The following CLCN3 variants were observed in gnomAD, a reference collection of about 807,000 sequenced individuals.
CLCN3 encodes the protein Cl-/H+ antiporter 3, also known as H(+)/Cl(-) exchange transporter 3.
In CLCN3, 16 loss-of-function variants were observed where a neutral mutation model predicts 83.4. The ratio of observed to expected loss-of-function variants is 0.19; its 90% CI spans 0.13 to 0.29. The LOEUF (loss-of-function observed/expected upper bound fraction) is 0.29, where lower values mean the gene tolerates loss of function less well. CLCN3 is among the 10% of genes least tolerant of loss of function. The pLI is 1.00. For synonymous variants in CLCN3, 322 were observed against 346.2 expected (o/e 0.93, Z 0.78); for missense variants, 544 against 1,006.0 (o/e 0.54, Z 6.21).
At position 169,697,385 on chromosome 4, in the gene CLCN3, C is replaced by T; in HGVS notation, c.1214C>T (p.Ala405Val). Residue 405 changes from alanine (A) to valine (V), a missense_variant, in exon 9 of 13, where the codon GCC becomes GTC. This residue lies in a region of CLCN3 where 194 missense variants were observed against 341.4 expected (regional missense o/e 0.57). Transcript: ENST00000513761. Reference sequence around the variant, plus strand: ...GGGGTATTTGGAGGGCTTTGGGGAGCCTTTTTCATTAGGGCAAATATTGCC... The same window carrying T: ...GGGGTATTTGGAGGGCTTTGGGGAGTCTTTTTCATTAGGGCAAATATTGCC... ...LLGVFGGLWG[A>V]FFIRANIAWC... is the part of the protein sequence containing the mutation. 6.2e-7 allele frequency: 1 copy of T among 1,613,946 alleles called. No individual in the cohort carries two copies. Among genetic ancestry groups the T allele is most frequent in the Non-Finnish European group, 8.5e-7 (1 of 1,179,992 alleles).
intron 1 of CLCN3, among the ~76,000 whole-genome samples, chr4:169,629,234 G>T (rs1340297737): frequency 2.0e-5 from 3 of 151,990 alleles, no homozygotes; most frequent in Non-Finnish European, 4.4e-5. Flanking sequence ...CTATAGTTTT[G>T]CGAGATGTTC....
chr4:169,640,471 C>G (rs1160898005), intron 2 of CLCN3, among the ~76,000 whole-genome samples: 1 of 152,066 alleles, frequency 6.6e-6, no homozygotes, highest in Non-Finnish European at 1.5e-5. Flanking sequence ...CTAGAGTACA[C>G]TGATTAAAAA....
rs1413196640 is a variant in CLCN3, at chr4:169,636,089, G to T, written c.160+1G>T. 1.2e-6 allele frequency: 2 copies of T among 1,610,406 alleles called. No individual in the cohort carries two copies. The highest frequency in any genetic ancestry group is 2.7e-5 in the African/African-American group (2 of 74,776). ...TTATTAGATGGTGACACTGCAGTTGGTAAGTTCAGCATGACAGCCTAATGT... is the reference window on the plus strand; with the variant it reads ...TTATTAGATGGTGACACTGCAGTTGTTAAGTTCAGCATGACAGCCTAATGT... On this transcript the variant is annotated splice_donor_variant, in intron 2 of 12. Coordinates refer to ENST00000513761, the MANE Select transcript of CLCN3 (RefSeq NM_001829.4). LOFTEE classifies it high-confidence loss of function.
At chr4:169,682,743 T>C (rs1731995785) in intron 3 of CLCN3, among the ~76,000 whole-genome samples, 1 of 152,186 alleles carries the variant, frequency 6.6e-6, no homozygotes. Context: ...TAATATGATT[T>C]ATTTATTTGA....
chr4:169,699,568 A>G (rs1732695010), intron 9 of CLCN3, among the ~76,000 whole-genome samples: 1 of 152,170 alleles, frequency 6.6e-6, no homozygotes, highest in African/African-American at 2.4e-5. Context: ...TCTGTAGTCC[A>G]CTGAGTATCT....
chr4:169,664,367 TC>T lies in CLCN3; in HGVS notation c.161-15681del, dbSNP rs532124513. Among the ~76,000 whole-genome samples the T allele has an allele frequency of 1.6e-4, 25 of 152,340 alleles. No individual in the cohort carries two copies. In the East Asian group the frequency reaches 4.4e-3, roughly 27 times the overall value. On this transcript the variant is annotated intron_variant, in intron 2 of 12. Coordinates refer to ENST00000513761, the MANE Select transcript of CLCN3 (RefSeq NM_001829.4). Reference sequence around the variant, plus strand: ...GGTTTCTATTATAATAGAGGTTTGTTCCTTTTTCTTCCCTTTGAAAAGTATC... The same window carrying T: ...GGTTTCTATTATAATAGAGGTTTGTTCTTTTTCTTCCCTTTGAAAAGTATC...
At chr4:169,636,168 A>G in intron 2 of CLCN3, 80 bp downstream of exon 2, 1 of 1,255,198 alleles carries the variant, frequency 8.0e-7, no homozygotes, top group South Asian at 1.5e-5. Flanking sequence ...TTGAGGTTGA[A>G]TTTTTCAGTA....
At chr4:169,660,865 AATTACC>A (rs753107301) in intron 2 of CLCN3, among the ~76,000 whole-genome samples, 6 of 152,194 alleles carry the variant, frequency 3.9e-5, no homozygotes, top group Non-Finnish European at 8.8e-5. Context: ...AGCTGCTGCC[AATTACC>A]ATGTAGATTT....
chr4:169,644,103 G>T (rs1184503745), intron 2 of CLCN3, among the ~76,000 whole-genome samples: 2 of 152,072 alleles, frequency 1.3e-5, no homozygotes, highest in African/African-American at 2.4e-5. Flanking sequence ...TGTTCTGTTC[G>T]TTCTTTCTAC....
chr4:169,708,388 T>C (rs1733072247), intron 11 of CLCN3, among the ~76,000 whole-genome samples: 1 of 152,146 alleles, frequency 6.6e-6, no homozygotes, highest in African/African-American at 2.4e-5. Context: ...AGCTTTGGAT[T>C]TTTCAAGGCC....
chr4:169,667,376 A>AT (rs1205502770), intron 2 of CLCN3, among the ~76,000 whole-genome samples: 1 of 152,150 alleles, frequency 6.6e-6, no homozygotes, highest in Non-Finnish European at 1.5e-5. Context: ...CTACAGGTAA[A>AT]TTTAAGTCTT....
At chr4:169,701,945 G>A (rs962351368) in intron 9 of CLCN3, among the ~76,000 whole-genome samples, 4 of 152,110 alleles carry the variant, frequency 2.6e-5, no homozygotes, top group Non-Finnish European at 5.9e-5. Flanking sequence ...TACTGGAGTT[G>A]TATGCATGCT....
chr4:169,624,237 G>A (rs1247420244), intron 1 of CLCN3, among the ~76,000 whole-genome samples: 3 of 151,964 alleles, frequency 2.0e-5, no homozygotes, highest in East Asian at 3.9e-4. Flanking sequence ...GGGTTCAAGC[G>A]ATTCTCATGC....
At chr4:169,634,022 G>A (rs1773445684) in intron 1 of CLCN3, among the ~76,000 whole-genome samples, 1 of 152,010 alleles carries the variant, frequency 6.6e-6, no homozygotes, top group Non-Finnish European at 1.5e-5. Context: ...GGGTTTAATT[G>A]GTTTATTTGG....
chr4:169,660,628 T>A (rs1731023597), intron 2 of CLCN3, among the ~76,000 whole-genome samples: 1 of 152,194 alleles, frequency 6.6e-6, no homozygotes, highest in Non-Finnish European at 1.5e-5. Flanking sequence ...CCATCCCTGA[T>A]TGTTTTCTCT....
At chr4:169,673,166 T>G (rs189341094) in intron 2 of CLCN3, among the ~76,000 whole-genome samples, 180 of 152,354 alleles carry the variant, frequency 1.2e-3, no homozygotes, top group African/African-American at 3.7e-3. Flanking sequence ...CTATTCAGAT[T>G]TGCATGTTTG....
intron 1 of CLCN3, among the ~76,000 whole-genome samples, chr4:169,628,142 T>C (rs1307529083): frequency 3.3e-5 from 5 of 152,198 alleles, no homozygotes; most frequent in Admixed American, 2.0e-4. Context: ...CTATGTCTCA[T>C]ACCCTGTGCA....
At chr4:169,650,268 G>T (rs1211247918) in intron 2 of CLCN3, among the ~76,000 whole-genome samples, 2 of 152,252 alleles carry the variant, frequency 1.3e-5, no homozygotes, top group East Asian at 3.9e-4. Flanking sequence ...CAGTATTCTC[G>T]TATGTAGATT....
At position 169,720,134 on chromosome 4, in the gene CLCN3, T is replaced by C; in HGVS notation, c.*137T>C. ...GAAAGGAAATATAAAAGCCGGGTTT[T>C]TGCAACATGGTTTGCAAATAATGCT... is the stretch of plus-strand genomic sequence containing the variant. On this transcript the variant is annotated 3_prime_UTR_variant, in exon 13 of 13. Transcript: ENST00000513761. 1 of 1,366,234 alleles carries C rather than the reference T, an allele frequency of 7.3e-7. No homozygotes were observed. The highest frequency in any genetic ancestry group is 1.5e-5 in the African/African-American group (1 of 68,162). 84.6% of individuals were successfully genotyped at this position (1,366,234 alleles called of 1,614,324 possible).
Sources: allele counts gnomAD v4.1 joint callset (sites outside exome capture counted in the v4.1 genomes callset), GRCh38; gene constraint gnomAD v4.1.1; regional missense constraint gnomAD v4.1.1; transcripts MANE v1.5; gene names NCBI Gene and HGNC (gene_info 2026-07-23, HGNC 2026-07-21).